The following WDFY4 variants were observed in gnomAD, a reference collection of about 807,000 sequenced individuals.
WDFY4 encodes WD repeat- and FYVE domain-containing protein 4.
In WDFY4, 169 loss-of-function variants were observed where a neutral mutation model predicts 351.9. The ratio of observed to expected loss-of-function variants is 0.48; its 90% CI spans 0.42 to 0.55. The LOEUF (loss-of-function observed/expected upper bound fraction) is 0.55, where lower values mean the gene tolerates loss of function less well. WDFY4 is among the 20% of genes least tolerant of loss of function. The probability of loss-of-function intolerance (pLI) is 0.00; values close to 1 mark genes in which losing one functional copy is unlikely to be tolerated. For missense variants in WDFY4, 3,803 were observed against 3,935.6 expected (o/e 0.97, Z 0.90); for synonymous variants, 1,622 against 1,574.6 (o/e 1.03, Z -0.71).
At chr10:48,900,097 G>A in intron 45 of WDFY4, 124 bp from the exon 46 acceptor site, 1 of 761,934 alleles carries the variant, frequency 1.3e-6, no homozygotes. Context: ...AACTCAAAAG[G>A]ACGACCCAGG....
At chr10:48,714,445 C>A (rs1271330826) in intron 2 of WDFY4, among the ~76,000 whole-genome samples, 8 of 152,224 alleles carry the variant, frequency 5.3e-5, no homozygotes, top group Admixed American at 5.2e-4. Flanking sequence ...CCAATGACTT[C>A]TGTGGTGTGC....
Position 48,820,198 on chromosome 10 carries a change from G to A in WDFY4, c.5506-36G>A, listed in dbSNP as rs1480187351. 11 of 1,549,088 alleles carry A rather than the reference G, an allele frequency of 7.1e-6. No homozygotes were observed. In the Middle Eastern group the frequency reaches 5.1e-4, roughly 72 times the overall value. On this transcript the variant is annotated intron_variant, in intron 32 of 61. Coordinates refer to ENST00000325239, the MANE Select transcript of WDFY4 (RefSeq NM_001394531.1). ...TTGGTGGGAAAGAGCTTGAGGCAGG[G>A]CAGGCCACTCATGTTGGGGTTCTCT... is the stretch of plus-strand genomic sequence containing the variant.
Position 48,963,922 on chromosome 10 carries a change from C to T in WDFY4, c.8304C>T (p.Ala2768=), listed in dbSNP as rs908192083. The change falls in exon 54 of 62, where the codon GCC becomes GCT. Residue 2768 remains alanine, a synonymous_variant. Transcript: ENST00000325239. The part of the protein sequence containing the change: ...LIFGYKQQGP[A]AVDAVNIFHP... The stretch of plus-strand genomic sequence containing the variant: ...TTGGGTACAAGCAGCAGGGGCCAGC[C>T]GCAGTGGATGCTGTTAATATCTTCC... 7.1e-6 allele frequency: 11 copies of T among 1,551,312 alleles called. No individual in the cohort carries two copies. Among genetic ancestry groups the T allele is most frequent in the Middle Eastern group, 1.7e-4 (1 of 5,888 alleles).
chr10:48,741,597 C>T (rs2064853088), intron 11 of WDFY4, among the ~76,000 whole-genome samples: 1 of 151,912 alleles, frequency 6.6e-6, no homozygotes, highest in African/African-American at 2.4e-5. Flanking sequence ...TTCTGAGCTA[C>T]CAGTTTTCTC....
intron 11 of WDFY4, among the ~76,000 whole-genome samples, chr10:48,741,868 C>T (rs1050362440): frequency 2.0e-5 from 3 of 152,186 alleles, no homozygotes; most frequent in African/African-American, 7.2e-5. Context: ...ACAAGGTTGT[C>T]CACTCTCTAG....
intron 40 of WDFY4, among the ~76,000 whole-genome samples, chr10:48,870,569 AAAAG>A (rs1365245858): frequency 9.9e-5 from 15 of 151,980 alleles, no homozygotes; most frequent in East Asian, 7.7e-4. Flanking sequence ...AAAAAAAAAA[AAAAG>A]AAAGAAATTG....
chr10:48,746,511 T>C (rs914767445), intron 12 of WDFY4, among the ~76,000 whole-genome samples: 2 of 152,212 alleles, frequency 1.3e-5, no homozygotes, highest in Non-Finnish European at 2.9e-5. Context: ...TGTTTTTCAA[T>C]CTAGTGTGGT....
At chr10:48,923,286 T>C (rs969778480) in intron 47 of WDFY4, among the ~76,000 whole-genome samples, 6 of 151,818 alleles carry the variant, frequency 4.0e-5, no homozygotes, top group Non-Finnish European at 7.4e-5. Flanking sequence ...AGGGAACAGA[T>C]GTTCGCAAGC....
intron 57 of WDFY4, among the ~76,000 whole-genome samples, chr10:48,972,569 A>T (rs538094507): frequency 1.3e-5 from 2 of 152,330 alleles, no homozygotes; most frequent in South Asian, 2.1e-4. Flanking sequence ...TTGTTATGTC[A>T]GTGCACTACA....
At chr10:48,702,566 G>T (rs1276791578) in intron 1 of WDFY4, among the ~76,000 whole-genome samples, 1 of 152,164 alleles carries the variant, frequency 6.6e-6, no homozygotes, top group Non-Finnish European at 1.5e-5. Context: ...TTAGCCGTGT[G>T]TTCCTTTGTA....
chr10:48,805,171 C>G, intron 25 of WDFY4, 89 bp from the exon 26 acceptor site: 1 of 1,439,672 alleles, frequency 6.9e-7, no homozygotes, highest in South Asian at 1.4e-5. Flanking sequence ...ATGGAACAAG[C>G]CTGGCTTGAA....
At chr10:48,823,689 A>G (rs1360080902) in intron 35 of WDFY4, 2 of 998,628 alleles carry the variant, frequency 2.0e-6, no homozygotes, top group African/African-American at 1.7e-5. Flanking sequence ...TGAGCTCCCT[A>G]TGGCTAAAGC....
At chr10:48,745,760 G>C in intron 12 of WDFY4, 1 of 499,270 alleles carries the variant, frequency 2.0e-6, no homozygotes, top group Non-Finnish European at 3.7e-6. Context: ...GGCTTCAGAT[G>C]CACAGCCTTG....
rs368203431 is a variant in WDFY4 at position 48,821,166 on chromosome 10, G to T, written c.5814G>T (p.Ala1938=). The T allele has an allele frequency of 9.0e-6, 14 of 1,551,332 alleles. No individual in the cohort carries two copies. Among genetic ancestry groups the T allele is most frequent in the Non-Finnish European group, 1.1e-5 (13 of 1,146,758 alleles). Reference sequence around the variant, plus strand: ...ACATGACAAGTGGAGGTGATGCAGCGATGTTCAGAGGTGAGTGGGGCAACT... The same window carrying T: ...ACATGACAAGTGGAGGTGATGCAGCTATGTTCAGAGGTGAGTGGGGCAACT... The part of the protein sequence containing the change: ...LFHMTSGGDA[A]MFRDGKEPQP... The change falls in exon 34 of 62, where the codon GCG becomes GCT. Residue 1938 remains alanine (A), a synonymous_variant. Coordinates refer to ENST00000325239, the MANE Select transcript of WDFY4 (RefSeq NM_001394531.1).
At chr10:48,756,325 G>T (rs2065334969) in intron 12 of WDFY4, among the ~76,000 whole-genome samples, 1 of 151,910 alleles carries the variant, frequency 6.6e-6, no homozygotes, top group African/African-American at 2.4e-5. Context: ...TTCAATTCTA[G>T]TATTTAGGAA....
chr10:48,861,126 T>C (rs1189246998), intron 39 of WDFY4, among the ~76,000 whole-genome samples: 15 of 152,194 alleles, frequency 9.9e-5, no homozygotes. Context: ...CCATTTATAA[T>C]GTAATAGTTT....
Position 48,760,445 on chromosome 10 carries a change from C to T in WDFY4, c.2553+5C>T. The T allele has an allele frequency of 6.4e-7, 1 of 1,551,586 alleles. No homozygotes were observed. The highest frequency in any genetic ancestry group is 8.7e-7 in the Non-Finnish European group (1 of 1,146,902). ...TACCATGAAGATCACCCACAGGTAC[C>T]TGGTGTTGAATATGTGTGTTTTGTC... is the stretch of plus-strand genomic sequence containing the variant. On this transcript the variant is annotated splice_donor_5th_base_variant and intron_variant, in intron 13 of 61. Coordinates refer to ENST00000325239, the MANE Select transcript of WDFY4 (RefSeq NM_001394531.1).
intron 43 of WDFY4, among the ~76,000 whole-genome samples, chr10:48,890,338 A>G (rs1325120553): frequency 6.6e-6 from 1 of 151,508 alleles, no homozygotes; most frequent in Non-Finnish European, 1.5e-5. Context: ...TCACCCACAC[A>G]TCTTGGTGGG....
intron 49 of WDFY4, among the ~76,000 whole-genome samples, chr10:48,944,160 G>A (rs973184756): frequency 3.9e-5 from 6 of 152,192 alleles, no homozygotes; most frequent in African/African-American, 1.2e-4. Flanking sequence ...AGGGGCCTGG[G>A]AAAGAAAGGA....
Sources: allele counts gnomAD v4.1 joint callset (sites outside exome capture counted in the v4.1 genomes callset), GRCh38; gene constraint gnomAD v4.1.1; transcripts MANE v1.5; gene names NCBI Gene and HGNC (gene_info 2026-07-23, HGNC 2026-07-21).